Variants in TRHDE observed in about 807,000 individuals in gnomAD.
TRHDE encodes thyrotropin-releasing hormone-degrading ectoenzyme.
A neutral mutation model predicts 125.7 loss-of-function variants in TRHDE; 72 were observed. The observed-to-expected ratio is 0.57, with a 90% CI of 0.47 to 0.70. TRHDE has a LOEUF of 0.70. TRHDE is among the 30% of genes least tolerant of loss of function. TRHDE has a pLI of 0.00. For missense variants in TRHDE, 1,110 were observed against 1,327.1 expected (o/e 0.84, Z 2.54); for synonymous variants, 509 against 509.1 (o/e 1.00, Z 0.00).
intron 2 of TRHDE, among the ~76,000 whole-genome samples, chr12:72,152,429 CTA>C (rs1255114201): frequency 6.6e-6 from 1 of 151,984 alleles, no homozygotes; most frequent in Non-Finnish European, 1.5e-5. Context: ...ACTTCCAACA[CTA>C]TGTTGAATAG....
At chr12:72,510,851 A>G (rs1878553436) in intron 6 of TRHDE, among the ~76,000 whole-genome samples, 1 of 152,176 alleles carries the variant, frequency 6.6e-6, no homozygotes, top group Admixed American at 6.5e-5. Flanking sequence ...TTGATTTTGG[A>G]ACATTTGGAG....
chr12:72,088,851 T>C (rs1874726849), intron 1 of TRHDE, among the ~76,000 whole-genome samples: 1 of 152,054 alleles, frequency 6.6e-6, no homozygotes, highest in Admixed American at 6.6e-5. Context: ...CCTTCTCTTA[T>C]CAGTCAGCTT....
At chr12:72,657,807 A>T (rs1476504670) in intron 18 of TRHDE, among the ~76,000 whole-genome samples, 1 of 152,258 alleles carries the variant, frequency 6.6e-6, no homozygotes, top group South Asian at 2.1e-4. Flanking sequence ...GACTCTTTTA[A>T]TTGATTACAA....
chr12:72,433,495 C>G (rs557151107), intron 3 of TRHDE, among the ~76,000 whole-genome samples: 117 of 152,038 alleles, frequency 7.7e-4, no homozygotes, highest in Non-Finnish European at 1.5e-3. Context: ...TGGCTTGCCT[C>G]CCCGAGCATG....
intron 2 of TRHDE, among the ~76,000 whole-genome samples, chr12:72,187,981 T>G (rs1476362750): frequency 2.0e-5 from 3 of 152,208 alleles, no homozygotes; most frequent in Non-Finnish European, 2.9e-5. Flanking sequence ...ATAATTAATA[T>G]GAAAATATGG....
At chr12:72,515,663 A>G (rs1878815132) in intron 6 of TRHDE, among the ~76,000 whole-genome samples, 1 of 151,956 alleles carries the variant, frequency 6.6e-6, no homozygotes. Flanking sequence ...CCATTTGTCA[A>G]TTTTGGCTTT....
At chr12:72,160,410 C>T (rs1015705001) in intron 2 of TRHDE, among the ~76,000 whole-genome samples, 9 of 152,202 alleles carry the variant, frequency 5.9e-5, no homozygotes, top group Admixed American at 3.3e-4. Flanking sequence ...TCCTCGCGGG[C>T]ATGGTGGCTC....
intron 2 of TRHDE, among the ~76,000 whole-genome samples, chr12:72,324,033 A>T (rs1450342147): frequency 6.6e-6 from 1 of 152,110 alleles, no homozygotes; most frequent in Non-Finnish European, 1.5e-5. Flanking sequence ...TCCTGATGCC[A>T]GTTTGTTCAA....
chr12:72,363,128 G>C (rs1159810925), intron 2 of TRHDE, among the ~76,000 whole-genome samples: 1 of 151,916 alleles, frequency 6.6e-6, no homozygotes, highest in African/African-American at 2.4e-5. Context: ...TGATGGGGAT[G>C]GCATTGAATC....
upstream of TRHDE, among the ~76,000 whole-genome samples, chr12:72,268,417 G>A (rs896516198): frequency 2.0e-5 from 3 of 152,076 alleles, no homozygotes; most frequent in African/African-American, 7.2e-5. Context: ...CTTCTGTACT[G>A]TATATTTTTC....
intron 2 of TRHDE, among the ~76,000 whole-genome samples, chr12:72,235,795 C>T (rs912408420): frequency 2.5e-5 from 2 of 81,156 alleles, no homozygotes; most frequent in Non-Finnish European, 5.7e-5. Context: ...ATTACACTAG[C>T]GTATTTAAGG....
chr12:72,338,111 A>G (rs1869914333), intron 2 of TRHDE, among the ~76,000 whole-genome samples: 1 of 152,224 alleles, frequency 6.6e-6, no homozygotes, highest in Non-Finnish European at 1.5e-5. Flanking sequence ...TTATGTTTTC[A>G]CACAGAATGT....
intron 3 of TRHDE, among the ~76,000 whole-genome samples, chr12:72,465,366 C>T (rs1006907098): frequency 6.6e-6 from 1 of 152,170 alleles, no homozygotes; most frequent in Non-Finnish European, 1.5e-5. Context: ...TCGCTATCTT[C>T]TAACTCCTCC....
chr12:72,336,033 CAT>C (rs1433203836), intron 2 of TRHDE, among the ~76,000 whole-genome samples: 2 of 152,218 alleles, frequency 1.3e-5, no homozygotes, highest in Middle Eastern at 6.8e-3. Flanking sequence ...AATGGAAGTA[CAT>C]ATGTAGGATG....
chr12:72,230,155 A>C (rs1405618895), intron 2 of TRHDE, among the ~76,000 whole-genome samples: 1 of 152,188 alleles, frequency 6.6e-6, no homozygotes, highest in East Asian at 1.9e-4. Context: ...GAGCTGTAAA[A>C]AAAACTTGCA....
At chr12:72,644,983 C>A (rs1170660161) in intron 15 of TRHDE, among the ~76,000 whole-genome samples, 1 of 152,152 alleles carries the variant, frequency 6.6e-6, no homozygotes, top group African/African-American at 2.4e-5. Context: ...GTAGAGGTTC[C>A]CAGAATCTCT....
At chr12:72,241,013 G>C (rs114976683) in intron 2 of TRHDE, among the ~76,000 whole-genome samples, 2 of 151,268 alleles carry the variant, frequency 1.3e-5, no homozygotes, top group Non-Finnish European at 3.0e-5. Context: ...CCATTATTGT[G>C]TGCCTATAGT....
chr12:72,476,492 T>A (rs948698719), intron 5 of TRHDE, among the ~76,000 whole-genome samples: 1 of 152,162 alleles, frequency 6.6e-6, no homozygotes, highest in South Asian at 2.1e-4. Flanking sequence ...ACAAGAGTAA[T>A]GGCTGTGTCA....
chr12:72,125,582 T>C (rs921933092), intron 2 of TRHDE, among the ~76,000 whole-genome samples: 10 of 152,214 alleles, frequency 6.6e-5, no homozygotes, highest in Admixed American at 6.5e-4. Context: ...CTTCTATTCA[T>C]TGTTCATACA....
Sources: allele counts gnomAD v4.1 joint callset (sites outside exome capture counted in the v4.1 genomes callset), GRCh38; gene constraint gnomAD v4.1.1; transcripts MANE v1.5; gene names NCBI Gene and HGNC (gene_info 2026-07-23, HGNC 2026-07-21).